WFS1: variants seen among roughly 807,000 people sequenced by gnomAD.
WFS1 encodes wolframin ER transmembrane glycoprotein.
In WFS1, 90 loss-of-function variants were observed where a neutral mutation model predicts 68.5. The ratio of observed to expected loss-of-function variants is 1.31; its 90% CI spans 1.11 to 1.56. WFS1 has a LOEUF of 1.56. Among genes scored for constraint, WFS1 ranks in the 40% most tolerant of loss-of-function variants. The pLI is 0.00. For synonymous variants in WFS1, 860 were observed against 540.7 expected, an observed-to-expected ratio of 1.59 and a Z score of -8.19; for missense variants, 1,767 against 1,232.6, an observed-to-expected ratio of 1.43 and a Z score of -6.49.
At chr4:6,273,464 C>A (rs922735909) in intron 1 of WFS1, among the ~76,000 whole-genome samples, 4 of 152,188 alleles carry the variant, frequency 2.6e-5, no homozygotes, top group Non-Finnish European at 4.4e-5. Flanking sequence ...AGAGTGGATG[C>A]AGCTGGAGAT....
At position 6,295,326 on chromosome 4, in the gene WFS1, A is replaced by AGAG. The variant is rs144260953; in HGVS notation, c.861+137_861+138insGAG. ...AGTGTCTTACAGCCGTGCCGCTGGT[A>AGAG]CCTTTGGGTCATCATCTATCGTCAT... On this transcript the variant is annotated intron_variant, in intron 7 of 7. Coordinates refer to ENST00000226760, the MANE Select transcript of WFS1 (RefSeq NM_006005.3). 3 of 1,035,048 alleles carry AGAG rather than the reference A, an allele frequency of 2.9e-6. No individual in the cohort carries two copies. The African/African-American group carries it at 4.7e-5, about 16-fold the overall frequency. 64.1% of individuals were successfully genotyped at this position (1,035,048 alleles called of 1,614,324 possible).
chr4:6,279,594 GCCCT>G (rs1730096827), intron 2 of WFS1, among the ~76,000 whole-genome samples: 1 of 152,172 alleles, frequency 6.6e-6, no homozygotes, highest in East Asian at 1.9e-4. Context: ...GCCTGGCCAG[GCCCT>G]GGTGACAGGA....
intron 3 of WFS1, chr4:6,288,486 A>G (rs1730372944): frequency 4.4e-6 from 1 of 229,618 alleles, no homozygotes; most frequent in African/African-American, 2.3e-5. Flanking sequence ...GCTGTGGAGC[A>G]CGTAAAAGCA....
chr4:6,285,852 T>C (rs1553876433), intron 2 of WFS1, among the ~76,000 whole-genome samples: 2 of 152,360 alleles, frequency 1.3e-5, no homozygotes, highest in East Asian at 1.9e-4. Flanking sequence ...CCTGTCCCGT[T>C]GTCAGCCAGC....
intron 2 of WFS1, among the ~76,000 whole-genome samples, chr4:6,284,070 C>A (rs4688986): frequency 0.6 from 91,024 of 151,856 alleles, 28,000 homozygotes; most frequent in East Asian, 0.93. Context: ...GGGTGTGTGT[C>A]CATCTCAAAG....
At chr4:6,277,247 T>C (rs1323791828) in intron 1 of WFS1, among the ~76,000 whole-genome samples, 2 of 152,086 alleles carry the variant, frequency 1.3e-5, no homozygotes, top group African/African-American at 2.4e-5. Flanking sequence ...ATCTGTAGAG[T>C]CACGTGGGTG....
At chr4:6,299,016 C>T (rs1305994883) in intron 7 of WFS1, among the ~76,000 whole-genome samples, 3 of 152,234 alleles carry the variant, frequency 2.0e-5, no homozygotes, top group South Asian at 2.1e-4. Context: ...CCTAGGCGTC[C>T]ACTTCCTGGT....
rs1447354205 is a variant in WFS1 at position 6,287,569 on chromosome 4, G to T, written c.315+394G>T. Among the ~76,000 whole-genome samples the T allele has an allele frequency of 6.6e-6, 1 of 152,220 alleles. No homozygotes were observed. Among genetic ancestry groups the T allele is most frequent in the African/African-American group, 2.4e-5 (1 of 41,460 alleles). ...GTTAGCTGTGTGCACGGGGCCCTCA[G>T]AGCGGTGACCATTCACTTGGGCATC... On this transcript the variant is annotated intron_variant, in intron 3 of 7. Coordinates refer to ENST00000226760, the MANE Select transcript of WFS1 (RefSeq NM_006005.3). The surrounding 1 kb of genome is among the most constrained non-coding windows in gnomAD (Gnocchi z 6.4).
intron 1 of WFS1, among the ~76,000 whole-genome samples, chr4:6,270,587 G>T (rs1455254691): frequency 3.3e-5 from 5 of 152,202 alleles, no homozygotes; most frequent in African/African-American, 1.2e-4. Context: ...TCTCTCTCGG[G>T]GCCCCTCAGT....
In WFS1 at chr4:6,277,559, A is replaced by T. The variant is rs1250693798; in HGVS notation, c.104A>T (p.Gln35Leu). ...SRLNATASLEQERSERPRAPG... is the reference protein window; with the variant it reads ...SRLNATASLELERSERPRAPG... The stretch of plus-strand genomic sequence containing the variant: ...CTCAATGCCACAGCCTCGTTGGAGC[A>T]GGAGAGGAGCGAAAGGCCCCGAGCA... Residue 35 changes from glutamine to leucine, a missense_variant, in exon 2 of 8, where the codon CAG becomes CTG. By Grantham distance (113) the Gln-to-Leu change is moderately radical (BLOSUM62 -2). Coordinates refer to ENST00000226760, the MANE Select transcript of WFS1 (RefSeq NM_006005.3). The T allele has an allele frequency of 1.3e-6, 2 of 1,590,074 alleles. No homozygotes were observed. The highest frequency in any genetic ancestry group is 1.7e-6 in the Non-Finnish European group (2 of 1,169,000).
In WFS1 at chr4:6,301,892, G is replaced by A. The variant is rs780010276; in HGVS notation, c.2097G>A (p.Thr699=). Residue 699 remains threonine, a synonymous_variant, in exon 8 of 8, where the codon ACG becomes ACA. Transcript: ENST00000226760. Reference sequence around the variant, plus strand: ...GCCACCTGGAGGGCCACAGGGTCACGTGGACCGGCCGCTTCAAGTACGTCC... The same window carrying A: ...GCCACCTGGAGGGCCACAGGGTCACATGGACCGGCCGCTTCAAGTACGTCC... ...LCSHLEGHRV[T]WTGRFKYVRV... The A allele has an allele frequency of 1.4e-5, 23 of 1,612,862 alleles. No homozygotes were observed. Among genetic ancestry groups the A allele is most frequent in the South Asian group, 3.3e-5 (3 of 91,080 alleles).
At position 6,287,212 on chromosome 4, in the gene WFS1, G is replaced by A. The variant is rs367726407; in HGVS notation, c.315+37G>A. 26 of 1,530,408 alleles carry A rather than the reference G, an allele frequency of 1.7e-5. No individual in the cohort carries two copies. Among genetic ancestry groups the A allele is most frequent in the Middle Eastern group, 2.1e-4 (1 of 4,744 alleles). The allele number at this position is 1,530,408 out of a possible 1,614,324, so 94.8% of individuals were successfully genotyped here. On this transcript the variant is annotated intron_variant, in intron 3 of 7. Transcript: ENST00000226760. The surrounding 1 kb of genome is among the most constrained non-coding windows in gnomAD (Gnocchi z 6.4). ...GGTGCCGGCAGGGACTTCGGGACGC[G>A]GCCCCCGGCACAACAGGCCTGGCCA...
At position 6,300,707 on chromosome 4, in the gene WFS1, T is replaced by G; in HGVS notation, c.912T>G (p.Ile304Met). The change falls in exon 8 of 8, where the codon ATT becomes ATG. Residue 304 changes from isoleucine to methionine, a missense_variant. Ile to Met is a conservative substitution (Grantham distance 10). Coordinates refer to ENST00000226760, the MANE Select transcript of WFS1 (RefSeq NM_006005.3). ...TCATGGAGATCAAGGAGTACCTGAT[T>G]GACATGGCCTCCAGGGCAGGCATGC... is the stretch of plus-strand genomic sequence containing the variant. ...HAIMEIKEYL[I>M]DMASRAGMHW... is the part of the protein sequence containing the mutation. 1 of 1,614,040 alleles carries G rather than the reference T, an allele frequency of 6.2e-7. No homozygotes were observed. The highest frequency in any genetic ancestry group is 8.5e-7 in the Non-Finnish European group (1 of 1,179,978).
chr4:6,301,052 C>A lies in WFS1; in HGVS notation c.1257C>A (p.Phe419Leu). 6.2e-7 allele frequency: 1 copy of A among 1,614,204 alleles called. No individual in the cohort carries two copies. The highest frequency in any genetic ancestry group is 1.1e-5 in the South Asian group (1 of 91,086). The change falls in exon 8 of 8, where the codon TTC (phenylalanine) becomes TTA (leucine). Residue 419 changes from phenylalanine (F) to leucine (L), a missense_variant. Phe to Leu is a conservative substitution (Grantham distance 22). Transcript: ENST00000226760. ...LLSVFFVIFS[F>L]PIASKDCIPC... ...CTGTCTTCTTCGTCATCTTCTCCTTCCCCATCGCCAGCAAGGACTGCATCC... is the reference window on the plus strand; with the variant it reads ...CTGTCTTCTTCGTCATCTTCTCCTTACCCATCGCCAGCAAGGACTGCATCC...
At chr4:6,291,887 C>CGA in intron 5 of WFS1, 30 bp from the exon 6 acceptor site, 1 of 1,594,694 alleles carries the variant, frequency 6.3e-7, no homozygotes, top group Non-Finnish European at 8.5e-7. Flanking sequence ...GTCAACTTGT[C>CGA]TGACTGTTAA....
rs768008346 is a variant in WFS1, at chr4:6,291,375, G to C, written c.631+8G>C. 1 of 1,611,546 alleles carries C rather than the reference G, an allele frequency of 6.2e-7. No homozygotes were observed. The highest frequency in any genetic ancestry group is 8.5e-7 in the Non-Finnish European group (1 of 1,179,966). ...GCCAGGTCAACGAGCACGGTGCGAG[G>C]ATTCACCCTGGGCACCAGCCTTCCC... is the stretch of plus-strand genomic sequence containing the variant. On this transcript the variant is annotated splice_region_variant and intron_variant, in intron 5 of 7. Coordinates refer to ENST00000226760, the MANE Select transcript of WFS1 (RefSeq NM_006005.3).
intron 1 of WFS1, among the ~76,000 whole-genome samples, chr4:6,273,395 G>A (rs1181010774): frequency 1.3e-5 from 2 of 152,216 alleles, no homozygotes; most frequent in African/African-American, 4.8e-5. Flanking sequence ...CATTGCTGTG[G>A]TCACCAGTAG....
intron 7 of WFS1, among the ~76,000 whole-genome samples, chr4:6,297,181 A>G (rs944008428): frequency 2.6e-5 from 4 of 152,204 alleles, no homozygotes; most frequent in Admixed American, 6.5e-5. Flanking sequence ...AGAAGTAAAC[A>G]AGACTCTGTT....
Position 6,291,197 on chromosome 4 carries a change from G to T in WFS1, c.461G>T (p.Gly154Val). ...CCTTTGACCACATCCTATCCCTCAGGCATCACGTCCGAGAACGAACGGGAG... is the reference window on the plus strand; with the variant it reads ...CCTTTGACCACATCCTATCCCTCAGTCATCACGTCCGAGAACGAACGGGAG... ...LLRRCLADRRGITSENEREVR... is the reference protein window; with the variant it reads ...LLRRCLADRRVITSENEREVR... Residue 154 changes from glycine to valine, a missense_variant and splice_region_variant, in exon 5 of 8, where the codon GGC becomes GTC. By Grantham distance (109) the Gly-to-Val change is moderately radical (BLOSUM62 -3). Transcript: ENST00000226760. 1 of 1,612,158 alleles carries T rather than the reference G, an allele frequency of 6.2e-7. No homozygotes were observed. Among genetic ancestry groups the T allele is most frequent in the Non-Finnish European group, 8.5e-7 (1 of 1,180,016 alleles).
Sources: allele counts gnomAD v4.1 joint callset (sites outside exome capture counted in the v4.1 genomes callset), GRCh38; gene constraint gnomAD v4.1.1; non-coding constraint Gnocchi (gnomAD v3.1); transcripts MANE v1.5; gene names NCBI Gene and HGNC (gene_info 2026-07-23, HGNC 2026-07-21).